The following UBE2L3 variants were observed in gnomAD, a reference collection of about 807,000 sequenced individuals.
The protein encoded by UBE2L3 is ubiquitin-conjugating enzyme E2 L3.
Under a neutral mutation model 17.8 loss-of-function variants are expected in UBE2L3, and 1 was observed. The observed-to-expected ratio is 0.06, with a 90% CI of 0.02 to 0.27. The LOEUF (loss-of-function observed/expected upper bound fraction) is 0.27. UBE2L3 is among the 10% of genes least tolerant of loss of function. The probability of loss-of-function intolerance (pLI) is 1.00; values close to 1 mark genes in which losing one functional copy is unlikely to be tolerated. For synonymous variants in UBE2L3, 44 were observed against 68.5 expected, an observed-to-expected ratio of 0.64 and a Z score of 1.76; for missense variants, 40 against 192.6, an observed-to-expected ratio of 0.21 and a Z score of 4.69.
At chr22:21,554,309 C>T (rs5749419) in intron 1 of UBE2L3, among the ~76,000 whole-genome samples, 1 of 45,004 alleles carries the variant, frequency 2.2e-5, no homozygotes, top group Non-Finnish European at 5.5e-5. Context: ...CCAGCCTGGG[C>T]GACAGAGCAA....
intron 2 of UBE2L3, among the ~76,000 whole-genome samples, chr22:21,593,287 C>T (rs1928357028): frequency 6.6e-6 from 1 of 152,164 alleles, no homozygotes; most frequent in South Asian, 2.1e-4. Context: ...CTCTGAGCTC[C>T]TCAGGAGGGG....
intron 1 of UBE2L3, among the ~76,000 whole-genome samples, chr22:21,579,150 C>T (rs1375348514): frequency 6.6e-6 from 1 of 151,990 alleles, no homozygotes; most frequent in Non-Finnish European, 1.5e-5. Context: ...GCCACCACGC[C>T]TGGCTAATTT....
chr22:21,567,842 GC>G (rs1342041141), intron 1 of UBE2L3, 71 bp downstream of exon 1: 2 of 1,553,496 alleles, frequency 1.3e-6, no homozygotes, highest in African/African-American at 2.7e-5. Context: ...GAGGCAGGCG[GC>G]GGCTTCTCAG....
At chr22:21,576,801 CTTTTT>C (rs757829734) in intron 1 of UBE2L3, among the ~76,000 whole-genome samples, 4 of 118,140 alleles carry the variant, frequency 3.4e-5, no homozygotes, top group Non-Finnish European at 6.6e-5. Flanking sequence ...CTTCTCTTTC[CTTTTT>C]TTTTTTTTTT....
At position 21,611,037 on chromosome 22, in the gene UBE2L3, G is replaced by C; in HGVS notation, c.304G>C (p.Asp102His). ...AAACTGGAAGCCAGCAACCAAAACC[G>C]ACCAAGGTAAGACATGTGCCTGTGT... The part of the protein sequence containing the change: ...AENWKPATKT[D>H]QVIQSLIALV... Residue 102 changes from aspartate (D) to histidine (H), a missense_variant, in exon 3 of 4, where the codon GAC becomes CAC. Coordinates refer to ENST00000342192, the MANE Select transcript of UBE2L3 (RefSeq NM_003347.4). 1 of 1,605,786 alleles carries C rather than the reference G, an allele frequency of 6.2e-7. No individual in the cohort carries two copies. The highest frequency in any genetic ancestry group is 8.5e-7 in the Non-Finnish European group (1 of 1,176,056).
At chr22:21,558,429 G>A (rs1926315005) in intron 1 of UBE2L3, among the ~76,000 whole-genome samples, 2 of 152,208 alleles carry the variant, frequency 1.3e-5, no homozygotes, top group South Asian at 2.1e-4. Context: ...TCAGGAGATC[G>A]AGACCATCCT....
At chr22:21,571,459 A>G (rs561034274) in intron 1 of UBE2L3, among the ~76,000 whole-genome samples, 12 of 152,304 alleles carry the variant, frequency 7.9e-5, no homozygotes, top group African/African-American at 2.6e-4. Flanking sequence ...CCCAGGCTTC[A>G]GCGCGATGGC....
At chr22:21,590,191 A>AT (rs1242142175) in intron 1 of UBE2L3, among the ~76,000 whole-genome samples, 1 of 151,432 alleles carries the variant, frequency 6.6e-6, no homozygotes, top group Admixed American at 6.6e-5. Context: ...TCCCTACTTT[A>AT]TTTTTTTATT....
chr22:21,562,069 C>T (rs980416347), intron 1 of UBE2L3, among the ~76,000 whole-genome samples: 2 of 152,030 alleles, frequency 1.3e-5, no homozygotes, highest in Non-Finnish European at 2.9e-5. Flanking sequence ...CCAGCTTCTG[C>T]GAGGCCCCTC....
At chr22:21,614,520 C>T (rs780437478) in intron 3 of UBE2L3, 1 of 1,315,558 alleles carries the variant, frequency 7.6e-7, no homozygotes, top group East Asian at 4.6e-5. Flanking sequence ...CTCCAGAGCA[C>T]CTGCTCATGA....
At chr22:21,573,142 C>A (rs1172198982) in intron 1 of UBE2L3, among the ~76,000 whole-genome samples, 1 of 152,150 alleles carries the variant, frequency 6.6e-6, no homozygotes, top group Non-Finnish European at 1.5e-5. Context: ...AGCAGTGCAT[C>A]AGAGTAGTGT....
chr22:21,621,329 T>A (rs1321711672), intron 3 of UBE2L3, among the ~76,000 whole-genome samples, 186 bp from the exon 4 acceptor site: 1 of 152,186 alleles, frequency 6.6e-6, no homozygotes, highest in Non-Finnish European at 1.5e-5. Flanking sequence ...TGTCTTCTAA[T>A]CACAGAGGAA....
intron 1 of UBE2L3, among the ~76,000 whole-genome samples, chr22:21,570,492 G>T (rs1251810020): frequency 6.6e-6 from 1 of 152,192 alleles, no homozygotes; most frequent in Non-Finnish European, 1.5e-5. Flanking sequence ...AGGTAGAATT[G>T]TGGAACGTGG....
At chr22:21,589,107 T>G (rs1035621640) in intron 1 of UBE2L3, among the ~76,000 whole-genome samples, 1 of 147,888 alleles carries the variant, frequency 6.8e-6, no homozygotes, top group South Asian at 2.2e-4. Flanking sequence ...ATTTATCTTC[T>G]TGAAGTTGTT....
intron 3 of UBE2L3, among the ~76,000 whole-genome samples, chr22:21,616,658 CAAA>C (rs941408810): frequency 3.2e-5 from 3 of 92,834 alleles, no homozygotes; most frequent in African/African-American, 4.0e-5. Context: ...ACTCCATCTC[CAAA>C]AAAAAAAAAA....
intron 2 of UBE2L3, among the ~76,000 whole-genome samples, chr22:21,600,472 G>T (rs1928796022): frequency 1.3e-5 from 2 of 152,116 alleles, no homozygotes; most frequent in Non-Finnish European, 2.9e-5. Context: ...AGGGGAGGCG[G>T]ATCACTTGAG....
intron 3 of UBE2L3, among the ~76,000 whole-genome samples, chr22:21,612,457 C>T (rs1416620527): frequency 6.6e-6 from 1 of 151,796 alleles, no homozygotes; most frequent in Non-Finnish European, 1.5e-5. Context: ...TTCCGAGTAG[C>T]TGGGACTACA....
chr22:21,601,037 G>A (rs932746260), intron 2 of UBE2L3, among the ~76,000 whole-genome samples: 3 of 151,712 alleles, frequency 2.0e-5, no homozygotes, highest in African/African-American at 7.3e-5. Flanking sequence ...TGGGTGTGGC[G>A]GCAGGTGCCT....
chr22:21,617,680 T>G (rs1332021226), intron 3 of UBE2L3, among the ~76,000 whole-genome samples: 1 of 152,158 alleles, frequency 6.6e-6, no homozygotes, highest in Non-Finnish European at 1.5e-5. Flanking sequence ...AAAATATAAT[T>G]TTAATATGCT....
Sources: gnomAD v4.1 joint callset for allele counts (sites outside exome capture counted in the v4.1 genomes callset) on GRCh38, gnomAD v4.1.1 for gene constraint, MANE v1.5 for transcripts, NCBI Gene and HGNC (gene_info 2026-07-23, HGNC 2026-07-21) for gene names.